Variants in OPN5 observed in about 807,000 individuals in gnomAD.
OPN5 encodes opsin-5.
In OPN5, 18 loss-of-function variants were observed where a neutral mutation model predicts 41.7. The observed-to-expected ratio is 0.43, with a 90% CI of 0.30 to 0.64. The LOEUF (loss-of-function observed/expected upper bound fraction) is 0.64. OPN5 is among the 30% of genes least tolerant of loss of function. OPN5 has a pLI of 0.13. For missense variants in OPN5, 318 were observed against 434.5 expected, an observed-to-expected ratio of 0.73 and a Z score of 2.38; for synonymous variants, 178 against 164.3, an observed-to-expected ratio of 1.08 and a Z score of -0.64.
exon 7 of OPN5, chr6:47,824,272 G>T (rs1158207666): frequency 4.3e-6 from 2 of 462,402 alleles, no homozygotes; most frequent in African/African-American, 1.9e-5. Flanking sequence ...CCTCGGTCTC[G>T]TCAGTAAGGA....
chr6:47,812,757 T>C (rs1762289840), intron 6 of OPN5, among the ~76,000 whole-genome samples: 1 of 152,142 alleles, frequency 6.6e-6, no homozygotes, highest in Non-Finnish European at 1.5e-5. Flanking sequence ...TCCATCTACC[T>C]CCCCTTCTGC....
intron 4 of OPN5, among the ~76,000 whole-genome samples, chr6:47,797,516 CTTTGTACCAGGTACTATT>C (rs888154783): frequency 3.9e-5 from 6 of 152,170 alleles, no homozygotes; most frequent in African/African-American, 1.4e-4. Context: ...CAAAATCCTA[CTTTGTACCAGGTACTATT>C]TTAGAAACTG....
chr6:47,794,133 C>T (rs1773470919), intron 3 of OPN5, among the ~76,000 whole-genome samples: 1 of 152,110 alleles, frequency 6.6e-6, no homozygotes, highest in Non-Finnish European at 1.5e-5. Flanking sequence ...TTTTATTTAA[C>T]CCATATGCAA....
chr6:47,820,782 C>G (rs1037482805), intron 6 of OPN5, among the ~76,000 whole-genome samples: 2 of 152,074 alleles, frequency 1.3e-5, no homozygotes, highest in East Asian at 3.9e-4. Flanking sequence ...TACAGTCGAC[C>G]CTTGAACAAT....
At chr6:47,795,068 T>G (rs1246764348) in intron 3 of OPN5, 161 bp from the exon 4 acceptor site, 12 of 589,398 alleles carry the variant, frequency 2.0e-5, no homozygotes, top group Non-Finnish European at 3.5e-5. Context: ...GCTCTGGAAC[T>G]TTTTTCCGTT....
intron 4 of OPN5, among the ~76,000 whole-genome samples, chr6:47,803,058 AC>A (rs1341711404): frequency 1.3e-5 from 2 of 152,144 alleles, no homozygotes; most frequent in African/African-American, 4.8e-5. Flanking sequence ...TTTTTTCTTT[AC>A]AAGTTTATGG....
chr6:47,805,243 A>G (rs1258439497), intron 4 of OPN5, among the ~76,000 whole-genome samples: 6 of 152,214 alleles, frequency 3.9e-5, no homozygotes, highest in Non-Finnish European at 8.8e-5. Context: ...AGCAAGTCCA[A>G]CAGGAGAGCT....
At chr6:47,784,569 A>G (rs1283494615) in intron 1 of OPN5, among the ~76,000 whole-genome samples, 2 of 152,040 alleles carry the variant, frequency 1.3e-5, no homozygotes, top group African/African-American at 2.4e-5. Flanking sequence ...AAGTGTTGGG[A>G]TTACAGGCGT....
chr6:47,800,589 T>C (rs924152074), intron 4 of OPN5, among the ~76,000 whole-genome samples: 3 of 152,238 alleles, frequency 2.0e-5, no homozygotes, highest in Middle Eastern at 3.2e-3. Flanking sequence ...CATTTAGGTC[T>C]GCACCTTAGC....
intron 2 of OPN5, 120 bp from the exon 3 acceptor site, chr6:47,791,682 G>A: frequency 1.4e-6 from 1 of 719,818 alleles, no homozygotes. Flanking sequence ...TGTAATCAAG[G>A]GTGTGTGTGT....
intron 6 of OPN5, among the ~76,000 whole-genome samples, chr6:47,814,646 T>C (rs1166146197): frequency 6.6e-6 from 1 of 152,160 alleles, no homozygotes; most frequent in Non-Finnish European, 1.5e-5. Context: ...GTTTGGCTCA[T>C]GTACACCAGA....
exon 6 of OPN5, chr6:47,811,708 G>A (rs1233886012): frequency 6.2e-7 from 1 of 1,612,664 alleles, no homozygotes. Context: ...GAAGTCTTCT[G>A]CTGTGCTGGA....
At chr6:47,789,632 G>A (rs139362190) in intron 2 of OPN5, among the ~76,000 whole-genome samples, 65 of 152,286 alleles carry the variant, frequency 4.3e-4, no homozygotes, top group Middle Eastern at 3.4e-3. Context: ...AGTCTAGCAA[G>A]CTGAAAGATG....
At chr6:47,801,447 C>A (rs961704175) in intron 4 of OPN5, among the ~76,000 whole-genome samples, 1 of 152,164 alleles carries the variant, frequency 6.6e-6, no homozygotes, top group Admixed American at 6.5e-5. Context: ...TGACTCCTCC[C>A]TTTTATAACT....
rs143511008 is a variant in OPN5, at chr6:47,798,670, A to G, written c.756+3107A>G. On this transcript the variant is annotated intron_variant, in intron 4 of 6. Transcript: ENST00000371211. ...AACACAAGTGTTTCTAATTATTAATATTTGTGCAGAAAATGTAAGACAAAA... is the reference window on the plus strand; with the variant it reads ...AACACAAGTGTTTCTAATTATTAATGTTTGTGCAGAAAATGTAAGACAAAA... Among the ~76,000 whole-genome samples the G allele has an allele frequency of 2.7e-3, 405 of 152,042 alleles. 2 individuals carry two copies. The highest frequency in any genetic ancestry group is 9.0e-3 in the African/African-American group (375 of 41,510).
chr6:47,795,931 T>C (rs1186074933), intron 4 of OPN5, among the ~76,000 whole-genome samples: 1 of 152,230 alleles, frequency 6.6e-6, no homozygotes, highest in Admixed American at 6.5e-5. Flanking sequence ...TTATGAATCA[T>C]ACAATGCCTC....
At chr6:47,789,898 A>ATTT (rs5876034) in intron 2 of OPN5, among the ~76,000 whole-genome samples, 1 of 143,840 alleles carries the variant, frequency 7.0e-6, no homozygotes, top group African/African-American at 2.6e-5. Flanking sequence ...TTCCTCAGTA[A>ATTT]TTTTTTTTTT....
In OPN5 at chr6:47,805,793, A is replaced by G. The variant is rs538741637; in HGVS notation, c.757-2361A>G. 3.3e-5 allele frequency among the ~76,000 whole-genome samples: 5 copies of G among 152,306 alleles called. No homozygotes were observed. The East Asian group carries it at 7.7e-4, about 23-fold the overall frequency. On this transcript the variant is annotated intron_variant, in intron 4 of 6. Coordinates refer to ENST00000371211, the Ensembl canonical transcript of OPN5. ...AACATTGTATGTCTCACTCCTTATC[A>G]TTGATTCTCTGGAACTTGTCATGAC... is the stretch of plus-strand genomic sequence containing the variant.
chr6:47,789,616 G>A (rs1561890316), intron 2 of OPN5, among the ~76,000 whole-genome samples: 1 of 152,108 alleles, frequency 6.6e-6, no homozygotes, highest in East Asian at 1.9e-4. Context: ...TCATATGAGG[G>A]CACCTAGTCT....
Sources: allele counts gnomAD v4.1 joint callset (sites outside exome capture counted in the v4.1 genomes callset), GRCh38; gene constraint gnomAD v4.1.1; transcripts MANE v1.5; gene names NCBI Gene and HGNC (gene_info 2026-07-23, HGNC 2026-07-21).